PALLD: variants seen among roughly 807,000 people sequenced by gnomAD.
The protein encoded by PALLD is palladin.
In PALLD, 61 loss-of-function variants were observed where a neutral mutation model predicts 123.5. The ratio of observed to expected loss-of-function variants is 0.49; its 90% CI spans 0.40 to 0.61. The LOEUF (loss-of-function observed/expected upper bound fraction) is 0.61. Among genes scored for constraint, PALLD ranks in the 20% least tolerant of loss-of-function variants. PALLD has a pLI of 0.00. For synonymous variants in PALLD, 465 were observed against 496.4 expected (o/e 0.94, Z 0.84); for missense variants, 1,273 against 1,377.0 (o/e 0.92, Z 1.20).
At position 168,523,568 on chromosome 4, in the gene PALLD, A is replaced by T. The variant is rs1763775381; in HGVS notation, c.908+11156A>T. On this transcript the variant is annotated intron_variant, in intron 2 of 21. Coordinates refer to ENST00000505667, the MANE Select transcript of PALLD (RefSeq NM_001166108.2). Reference sequence around the variant, plus strand: ...TATATGAATTTGATTATGTTAATGGACCAGCATGGGCCCAGCATGCTTTCT... The same window carrying T: ...TATATGAATTTGATTATGTTAATGGTCCAGCATGGGCCCAGCATGCTTTCT... Among the ~76,000 whole-genome samples the T allele has an allele frequency of 1.3e-5, 2 of 152,186 alleles. 1 individual carries two copies. The highest frequency in any genetic ancestry group is 4.1e-4 in the South Asian group (2 of 4,832).
chr4:168,870,970 C>G (rs548318407), intron 10 of PALLD, among the ~76,000 whole-genome samples: 8 of 152,140 alleles, frequency 5.3e-5, no homozygotes, highest in Non-Finnish European at 1.0e-4. Context: ...TTGACTTCAA[C>G]AGATATTTAT....
At chr4:168,620,527 G>A (rs1301439997) in intron 2 of PALLD, among the ~76,000 whole-genome samples, 1 of 152,102 alleles carries the variant, frequency 6.6e-6, no homozygotes, top group Non-Finnish European at 1.5e-5. Context: ...CCAAATTATA[G>A]TGCTCAGTGA....
At chr4:168,655,473 G>A (rs1778467589) in intron 2 of PALLD, among the ~76,000 whole-genome samples, 1 of 152,154 alleles carries the variant, frequency 6.6e-6, no homozygotes, top group South Asian at 2.1e-4. Context: ...CTCTGCAAAG[G>A]GAGGCTCTTC....
In PALLD at chr4:168,746,380, C is replaced by CAAAAAAAAAAAAAAAAAAA. The variant is rs747755592; in HGVS notation, c.1964+34469_1964+34487dup. ...TGGGCGACAGAGCGAGAACCCGTCT[C>CAAAAAAAAAAAAAAAAAAA]AAAAAAAAAAAAAAAAAAAAAAAAA... On this transcript the variant is annotated intron_variant, in intron 10 of 21. Coordinates refer to ENST00000505667, the MANE Select transcript of PALLD (RefSeq NM_001166108.2). Among the ~76,000 whole-genome samples the CAAAAAAAAAAAAAAAAAAA allele has an allele frequency of 4.3e-4, 16 of 37,018 alleles. 1 individual carries two copies. Among genetic ancestry groups the CAAAAAAAAAAAAAAAAAAA allele is most frequent in the African/African-American group, 1.0e-3 (13 of 12,930 alleles). The allele number at this position is 37,018 out of a possible 152,430, so 24.3% of individuals were successfully genotyped here.
intron 10 of PALLD, chr4:168,878,057 C>T: frequency 1.4e-6 from 2 of 1,480,158 alleles, no homozygotes; most frequent in African/African-American, 1.5e-5. Flanking sequence ...GCCCATGTCC[C>T]CGACGCCGAG....
At position 168,711,912 on chromosome 4, in the gene PALLD, C is replaced by G. The variant is rs747715456; in HGVS notation, c.1953C>G (p.Ala651=). 1.9e-6 allele frequency: 3 copies of G among 1,612,386 alleles called. No homozygotes were observed. Among genetic ancestry groups the G allele is most frequent in the Non-Finnish European group, 2.5e-6 (3 of 1,178,558 alleles). Residue 651 remains alanine (A), a synonymous_variant, in exon 10 of 22, where the codon GCC becomes GCG. Coordinates refer to ENST00000505667, the MANE Select transcript of PALLD (RefSeq NM_001166108.2). The part of the protein sequence containing the change: ...SPTKEPPPLL[A]KPKLGFPKKA... Reference sequence around the variant, plus strand: ...CTAAGGAGCCACCACCTCTGCTTGCCAAACCAAAACTGTGAGTATTTCTGC... The same window carrying G: ...CTAAGGAGCCACCACCTCTGCTTGCGAAACCAAAACTGTGAGTATTTCTGC...
intron 10 of PALLD, among the ~76,000 whole-genome samples, chr4:168,774,095 A>ATAT (rs373831722): frequency 3.3e-5 from 5 of 150,132 alleles, no homozygotes; most frequent in Non-Finnish European, 7.4e-5. Flanking sequence ...GATTAAAAAA[A>ATAT]ATATATATAT....
intron 20 of PALLD, 40 bp downstream of exon 20, chr4:168,925,118 T>C: frequency 6.2e-7 from 1 of 1,610,234 alleles, no homozygotes; most frequent in Non-Finnish European, 8.5e-7. Flanking sequence ...GTTTACTCAT[T>C]AAATTATGAA....
chr4:168,915,733 A>G (rs1759953032), intron 16 of PALLD, among the ~76,000 whole-genome samples, 162 bp from the exon 17 acceptor site: 1 of 152,176 alleles, frequency 6.6e-6, no homozygotes, highest in Non-Finnish European at 1.5e-5. Flanking sequence ...AAACTAAACA[A>G]GAGTTTGCTT....
chr4:168,877,913 T>C (rs1484724820), intron 10 of PALLD: 1 of 1,479,254 alleles, frequency 6.8e-7, no homozygotes, highest in Non-Finnish European at 8.9e-7. Flanking sequence ...GGCCTCCCGC[T>C]CCGCCCCCGC....
chr4:168,563,037 G>C (rs1768015329), intron 2 of PALLD, among the ~76,000 whole-genome samples: 1 of 152,176 alleles, frequency 6.6e-6, no homozygotes, highest in African/African-American at 2.4e-5. Flanking sequence ...AGAACTTCCT[G>C]GAAGATTGTT....
chr4:168,810,484 G>A (rs6812436), intron 10 of PALLD, among the ~76,000 whole-genome samples: 3,560 of 152,038 alleles, frequency 0.023, 124 homozygotes, highest in African/African-American at 0.073. Flanking sequence ...GTGAAACCCC[G>A]TCTCTACTAA....
intron 14 of PALLD, 59 bp downstream of exon 14, chr4:168,898,773 AAAAC>A: frequency 9.6e-7 from 1 of 1,041,562 alleles, no homozygotes; most frequent in Non-Finnish European, 1.5e-6. Flanking sequence ...TTTAGCTTCC[AAAAC>A]ATAGCATGCC....
At chr4:168,673,888 CTGTGTG>C (rs34043206) in intron 3 of PALLD, among the ~76,000 whole-genome samples, 212 of 146,364 alleles carry the variant, frequency 1.4e-3, no homozygotes, top group African/African-American at 4.9e-3. Flanking sequence ...TTTGAACGTG[CTGTGTG>C]TGTGTGTGTG....
chr4:168,674,246 C>G (rs1411297313), intron 3 of PALLD, among the ~76,000 whole-genome samples: 1 of 152,116 alleles, frequency 6.6e-6, no homozygotes, highest in African/African-American at 2.4e-5. Context: ...CTCTATTTAG[C>G]TAGCCATGTG....
intron 10 of PALLD, among the ~76,000 whole-genome samples, chr4:168,781,673 T>C (rs1561516785): frequency 6.6e-6 from 1 of 151,998 alleles, no homozygotes. Context: ...TAAGGATTAT[T>C]AAGATCATAC....
chr4:168,582,808 C>T (rs986000414), intron 2 of PALLD, among the ~76,000 whole-genome samples: 2 of 152,046 alleles, frequency 1.3e-5, no homozygotes, highest in Non-Finnish European at 2.9e-5. Flanking sequence ...TTTTAATATG[C>T]TATGAATTTG....
At chr4:168,721,694 C>T (rs958574657) in intron 10 of PALLD, among the ~76,000 whole-genome samples, 1 of 152,180 alleles carries the variant, frequency 6.6e-6, no homozygotes, top group African/African-American at 2.4e-5. Context: ...CATTAAACTT[C>T]AGTTCATTTG....
At chr4:168,877,853 G>A in intron 10 of PALLD, 1 of 1,368,438 alleles carries the variant, frequency 7.3e-7, no homozygotes, top group Non-Finnish European at 9.4e-7. Flanking sequence ...CGCCTTCCCC[G>A]AGCTCGCGGC....
Sources: gnomAD v4.1 joint callset for allele counts (sites outside exome capture counted in the v4.1 genomes callset) on GRCh38, gnomAD v4.1.1 for gene constraint, MANE v1.5 for transcripts, NCBI Gene and HGNC (gene_info 2026-07-23, HGNC 2026-07-21) for gene names.